The following NET1 variants were observed in gnomAD, a reference collection of about 807,000 sequenced individuals.
The protein encoded by NET1 is neuroepithelial cell transforming 1.
Under a neutral mutation model 61.1 loss-of-function variants are expected in NET1, and 42 were observed. The observed-to-expected ratio is 0.69, with a 90% confidence interval of 0.54 to 0.89. The LOEUF is 0.89. Ranked by LOEUF, NET1 falls within the 40% of genes least tolerant of loss-of-function variation. NET1 has a pLI of 0.00. For missense variants in NET1, 654 were observed against 747.3 expected (o/e 0.88, Z 1.46); for synonymous variants, 254 against 281.8 (o/e 0.90, Z 0.99).
rs1452253143 is a variant in NET1, at chr10:5,456,958, C to T, written c.1755C>T (p.Ala585=). 4 of 1,578,840 alleles carry T rather than the reference C, an allele frequency of 2.5e-6. No homozygotes were observed. The African/African-American group carries it at 5.5e-5, about 22-fold the overall frequency. The part of the protein sequence containing the change: ...QPGIRRARDK[A]LSGGKRKETL... ...GCATCCGAAGAGCGAGGGACAAAGC[C>T]CTTTCTGGTGGCAAACGGAAAGAGA... is the stretch of plus-strand genomic sequence containing the variant. Residue 585 remains alanine (A), a synonymous_variant, in exon 12 of 12, where the codon GCC becomes GCT. Transcript: ENST00000355029. This position sits in a 1 kb window ranked among gnomAD's most constrained non-coding sequence, Gnocchi z 7.0.
rs191911021 is a variant in NET1 at position 5,416,678 on chromosome 10, G to A, written c.128+3858G>A. 4.7e-4 allele frequency among the ~76,000 whole-genome samples: 71 copies of A among 152,194 alleles called. No homozygotes were observed. The highest frequency in any genetic ancestry group is 1.6e-3 in the African/African-American group (68 of 41,510). ...AGTTGTAAATGGATTCATTTCTTTT[G>A]AAATGGGAAAAGTTCCCTTTTCCCC... On this transcript the variant is annotated intron_variant, in intron 1 of 11. Coordinates refer to ENST00000355029, the MANE Select transcript of NET1 (RefSeq NM_001047160.3). The surrounding 1 kb of genome is among the most constrained non-coding windows in gnomAD (Gnocchi z 6.1).
chr10:5,438,645 A>C (rs1832475279), intron 3 of NET1, among the ~76,000 whole-genome samples: 1 of 152,230 alleles, frequency 6.6e-6, no homozygotes, highest in African/African-American at 2.4e-5. Context: ...TTACTGGTAA[A>C]TTCTACCAAA....
At position 5,416,446 on chromosome 10, in the gene NET1, A is replaced by G. The variant is rs1047889687; in HGVS notation, c.128+3626A>G. Among the ~76,000 whole-genome samples the G allele has an allele frequency of 1.3e-5, 2 of 152,224 alleles. No homozygotes were observed. The highest frequency in any genetic ancestry group is 4.8e-5 in the African/African-American group (2 of 41,460). ...GATTTTTACAAAGGAGTCCACAGGG[A>G]TTCTGATAGAGATTGCATTAAATCT... On this transcript the variant is annotated intron_variant, in intron 1 of 11. Transcript: ENST00000355029. This position sits in a 1 kb window ranked among gnomAD's most constrained non-coding sequence, Gnocchi z 6.1.
In NET1 at chr10:5,453,017, T is replaced by C; in HGVS notation, c.594+97T>C. 1 of 906,498 alleles carries C rather than the reference T, an allele frequency of 1.1e-6. No homozygotes were observed. 56.2% of individuals were successfully genotyped at this position (906,498 alleles called of 1,614,324 possible). A position where few individuals can be genotyped will look rare whatever the true frequency, so the allele number is the denominator to read the frequency against. ...TTCTTAACCTTTAGAAGTAGAAGAA[T>C]AGAAAATATCTACTGGTGAATACAT... On this transcript the variant is annotated intron_variant, in intron 6 of 11. Transcript: ENST00000355029. This position sits in a 1 kb window ranked among gnomAD's most constrained non-coding sequence, Gnocchi z 4.9.
Position 5,452,876 on chromosome 10 carries a change from C to T in NET1, c.550C>T (p.Arg184Ter), listed in dbSNP as rs373461269. The change falls in exon 6 of 12, where the codon CGA becomes TGA. Residue 184 changes from arginine (R) to a stop codon, truncating the protein, a stop_gained. Transcript: ENST00000355029. LOFTEE classifies it high-confidence loss of function. The surrounding 1 kb of genome is among the most constrained non-coding windows in gnomAD (Gnocchi z 4.0). ...RRQEAIYEMS[R>*]GEQDLIEDLK... ...TTTTTAGGCAATATATGAAATGTCC[C>T]GAGGTGAACAGGATTTAATTGAGGA... is the stretch of plus-strand genomic sequence containing the variant. 6.2e-6 allele frequency: 10 copies of T among 1,613,370 alleles called. No homozygotes were observed. Among genetic ancestry groups the T allele is most frequent in the South Asian group, 1.1e-5 (1 of 90,900 alleles).
Position 5,419,064 on chromosome 10 carries a change from T to A in NET1, c.128+6244T>A, listed in dbSNP as rs573626118. ...TACATTTATTGAGATTGTGCTGTTT[T>A]TATATGCACATATGTTTGTAATTGT... is the stretch of plus-strand genomic sequence containing the variant. On this transcript the variant is annotated intron_variant, in intron 1 of 11. Transcript: ENST00000355029. Among the ~76,000 whole-genome samples, 14 of 152,360 alleles carry A rather than the reference T, an allele frequency of 9.2e-5. No individual in the cohort carries two copies. In the East Asian group the frequency reaches 2.3e-3, roughly 25 times the overall value.
rs1230146150 is a variant in NET1, at chr10:5,417,019, A to G, written c.128+4199A>G. ...CACGTTGGCTTGGATAATGATTGCA[A>G]GCTTTTATAGAGTGGAAGTAGCTCT... On this transcript the variant is annotated intron_variant, in intron 1 of 11. Transcript: ENST00000355029. This position sits in a 1 kb window ranked among gnomAD's most constrained non-coding sequence, Gnocchi z 5.5. 6.6e-6 allele frequency among the ~76,000 whole-genome samples: 1 copy of G among 152,154 alleles called. No homozygotes were observed. Among genetic ancestry groups the G allele is most frequent in the Admixed American group, 6.5e-5 (1 of 15,286 alleles).
In NET1 at chr10:5,455,879, T is replaced by C. The variant is rs952015707; in HGVS notation, c.1198-208T>C. Among the ~76,000 whole-genome samples the C allele has an allele frequency of 3.9e-5, 6 of 152,214 alleles. No homozygotes were observed. The highest frequency in any genetic ancestry group is 6.5e-5 in the Admixed American group (1 of 15,276). On this transcript the variant is annotated intron_variant, in intron 10 of 11. Coordinates refer to ENST00000355029, the MANE Select transcript of NET1 (RefSeq NM_001047160.3). The surrounding 1 kb of genome is among the most constrained non-coding windows in gnomAD (Gnocchi z 6.5). The stretch of plus-strand genomic sequence containing the variant: ...ATATTACATACCAATAAGAAACATT[T>C]TATTTATTCTGAGATTGGAAAAACT...
At position 5,452,068 on chromosome 10, in the gene NET1, T is replaced by C. The variant is rs1832714414; in HGVS notation, c.363+131T>C. The C allele has an allele frequency of 7.6e-6, 5 of 657,168 alleles. No individual in the cohort carries two copies. Among genetic ancestry groups the C allele is most frequent in the Non-Finnish European group, 1.2e-5 (5 of 400,364 alleles). The allele number at this position is 657,168 out of a possible 1,614,324, so 40.7% of individuals were successfully genotyped here. On this transcript the variant is annotated intron_variant, in intron 4 of 11. Coordinates refer to ENST00000355029, the MANE Select transcript of NET1 (RefSeq NM_001047160.3). The surrounding 1 kb of genome is among the most constrained non-coding windows in gnomAD (Gnocchi z 4.0). The stretch of plus-strand genomic sequence containing the variant: ...ACATAGTTTTCTTTTTGGAATATGC[T>C]AGTAAGGAATATTGTTCCAGAACAA...
At chr10:5,436,476 T>C (rs1832440735) in intron 3 of NET1, among the ~76,000 whole-genome samples, 1 of 150,754 alleles carries the variant, frequency 6.6e-6, no homozygotes, top group Admixed American at 6.6e-5. Context: ...CCTCACGTGA[T>C]CCACCTGCCT....
In NET1 at chr10:5,454,928, A is replaced by G. The variant is rs1168408263; in HGVS notation, c.1027-20A>G. Reference sequence around the variant, plus strand: ...TTAATAAACTGAAGCTGCTCTGTCAATTTTATTTATCATTTTCAGATATTG... The same window carrying G: ...TTAATAAACTGAAGCTGCTCTGTCAGTTTTATTTATCATTTTCAGATATTG... On this transcript the variant is annotated intron_variant, in intron 9 of 11. Coordinates refer to ENST00000355029, the MANE Select transcript of NET1 (RefSeq NM_001047160.3). The surrounding 1 kb of genome is among the most constrained non-coding windows in gnomAD (Gnocchi z 8.1). The G allele has an allele frequency of 4.3e-6, 7 of 1,610,490 alleles. No individual in the cohort carries two copies. Among genetic ancestry groups the G allele is most frequent in the Admixed American group, 3.3e-5 (2 of 59,936 alleles).
rs1388732627 is a variant in NET1 at position 5,457,921 on chromosome 10, G to A, written c.*927G>A. 1 of 152,540 alleles carries A rather than the reference G, an allele frequency of 6.6e-6. No homozygotes were observed. 9.4% of individuals were successfully genotyped at this position (152,540 alleles called of 1,614,324 possible). ...AGATTTTGTTGAAAGTTTTAGTGTT[G>A]TCTGAAATGCAAGAGGGAAGGTGAT... On this transcript the variant is annotated 3_prime_UTR_variant, in exon 12 of 12. Coordinates refer to ENST00000355029, the MANE Select transcript of NET1 (RefSeq NM_001047160.3). This position sits in a 1 kb window ranked among gnomAD's most constrained non-coding sequence, Gnocchi z 5.4.
intron 3 of NET1, among the ~76,000 whole-genome samples, chr10:5,430,800 G>T (rs1208050359): frequency 6.6e-6 from 1 of 150,900 alleles, no homozygotes; most frequent in East Asian, 1.9e-4. Flanking sequence ...GTTTGTTTAG[G>T]TTTTTTTTGG....
chr10:5,416,834 G>T lies in NET1; in HGVS notation c.128+4014G>T, dbSNP rs1832089399. 6.6e-6 allele frequency among the ~76,000 whole-genome samples: 1 copy of T among 152,166 alleles called. No homozygotes were observed. The highest frequency in any genetic ancestry group is 2.4e-5 in the African/African-American group (1 of 41,434). On this transcript the variant is annotated intron_variant, in intron 1 of 11. Transcript: ENST00000355029. The surrounding 1 kb of genome is among the most constrained non-coding windows in gnomAD (Gnocchi z 6.1). ...CCATGTCTATGGGTGAATGTTTACA[G>T]CTGAAGCCTCAGTGGGCTTGTGTTA... is the stretch of plus-strand genomic sequence containing the variant.
intron 3 of NET1, among the ~76,000 whole-genome samples, chr10:5,432,876 A>T (rs1041608805): frequency 6.6e-6 from 1 of 151,916 alleles, no homozygotes; most frequent in Non-Finnish European, 1.5e-5. Context: ...ATCTTTTGAT[A>T]TTTAGGTAGG....
chr10:5,455,093 G>A lies in NET1; in HGVS notation c.1172G>A (p.Gly391Glu). 1 of 1,613,698 alleles carries A rather than the reference G, an allele frequency of 6.2e-7. No individual in the cohort carries two copies. The highest frequency in any genetic ancestry group is 8.5e-7 in the Non-Finnish European group (1 of 1,180,014). The change falls in exon 10 of 12, where the codon GGG becomes GAG. Residue 391 changes from glycine to glutamate, a missense_variant. Transcript: ENST00000355029. The surrounding 1 kb of genome is among the most constrained non-coding windows in gnomAD (Gnocchi z 6.5). ...IEASKVLLCH[G>E]ELRSKSGHKL... is the part of the protein sequence containing the mutation. ...GCGAGCAAAGTGCTGCTGTGCCATGGGGAGCTGCGGAGCAAGAGTGGACAT... is the reference window on the plus strand; with the variant it reads ...GCGAGCAAAGTGCTGCTGTGCCATGAGGAGCTGCGGAGCAAGAGTGGACAT...
intron 1 of NET1, among the ~76,000 whole-genome samples, chr10:5,413,516 T>C (rs1832035681): frequency 6.6e-6 from 1 of 152,056 alleles, no homozygotes; most frequent in African/African-American, 2.4e-5. Flanking sequence ...AGGGGATAGC[T>C]AGTGAATTAG....
intron 3 of NET1, among the ~76,000 whole-genome samples, chr10:5,442,339 C>A (rs79849537): frequency 1.3e-5 from 2 of 152,158 alleles, no homozygotes; most frequent in East Asian, 3.9e-4. Context: ...GTTATTGTTC[C>A]AGGTAAAAGT....
intron 3 of NET1, among the ~76,000 whole-genome samples, chr10:5,445,925 AG>A (rs563592384): frequency 5.4e-4 from 82 of 152,334 alleles, no homozygotes; most frequent in Middle Eastern, 3.4e-3. Flanking sequence ...TACAATATAG[AG>A]AACAGAAATC....
Sources: gnomAD v4.1 joint callset for allele counts (sites outside exome capture counted in the v4.1 genomes callset) on GRCh38, gnomAD v4.1.1 for gene constraint, Gnocchi (gnomAD v3.1) non-coding constraint, MANE v1.5 for transcripts, NCBI Gene and HGNC (gene_info 2026-07-23, HGNC 2026-07-21) for gene names.